REV3L: variants seen among roughly 807,000 people sequenced by gnomAD.
The protein encoded by REV3L is DNA polymerase zeta catalytic subunit.
A neutral mutation model predicts 299.4 loss-of-function variants in REV3L; 69 were observed. The ratio of observed to expected loss-of-function variants is 0.23; its 90% CI spans 0.19 to 0.28. The LOEUF (loss-of-function observed/expected upper bound fraction) is 0.28, where lower values mean the gene tolerates loss of function less well. Ranked by LOEUF, REV3L falls within the 10% of genes least tolerant of loss-of-function variation. The pLI is 1.00. For synonymous variants in REV3L, 1,238 were observed against 1,271.4 expected (o/e 0.97, Z 0.56); for missense variants, 3,128 against 3,693.8 (o/e 0.85, Z 3.97).
At chr6:111,475,394 C>T (rs1390631509) in intron 1 of REV3L, among the ~76,000 whole-genome samples, 2 of 152,100 alleles carry the variant, frequency 1.3e-5, no homozygotes, top group African/African-American at 2.4e-5. Flanking sequence ...ATTACTAGAA[C>T]GAAATAAATC....
chr6:111,345,575 C>A (rs998689201), intron 20 of REV3L, among the ~76,000 whole-genome samples: 1 of 152,064 alleles, frequency 6.6e-6, no homozygotes, highest in African/African-American at 2.4e-5. Context: ...ATAATCATAC[C>A]CCAGGATCTA....
In REV3L at chr6:111,313,334, A is replaced by G. The variant is rs1311391291; in HGVS notation, c.8604+18T>C. 1 of 1,597,814 alleles carries G rather than the reference A, an allele frequency of 6.3e-7. No homozygotes were observed. Among genetic ancestry groups the G allele is most frequent in the Non-Finnish European group, 8.5e-7 (1 of 1,175,320 alleles). On this transcript the variant is annotated intron_variant, in intron 28 of 31. Transcript: ENST00000368802. ...CCACTTATTTCTTACAGATGAAGAC[A>G]AGATAGATAAACCTTACCTTAGAAA... is the stretch of plus-strand genomic sequence containing the variant.
chr6:111,313,759 A>G (rs1773229405), intron 27 of REV3L, among the ~76,000 whole-genome samples: 1 of 152,224 alleles, frequency 6.6e-6, no homozygotes, highest in Non-Finnish European at 1.5e-5. Context: ...CATTCAAGAC[A>G]GTCTACAGTC....
At chr6:111,466,031 G>A (rs938612519) in intron 1 of REV3L, among the ~76,000 whole-genome samples, 5 of 152,238 alleles carry the variant, frequency 3.3e-5, no homozygotes, top group East Asian at 1.9e-4. Flanking sequence ...AACAAAGCTC[G>A]AAACTTAGCA....
At chr6:111,379,215 GATTT>G (rs1273508001) in intron 11 of REV3L, among the ~76,000 whole-genome samples, 1 of 152,156 alleles carries the variant, frequency 6.6e-6, no homozygotes, top group East Asian at 1.9e-4. Flanking sequence ...TTCTATATCT[GATTT>G]ATTAAGTAGA....
rs1780197321 is a variant in REV3L at position 111,375,410 on chromosome 6, TTAA to T, written c.2942_2944del (p.Ile981del). On this transcript the variant is annotated inframe_deletion, in exon 13 of 32. Transcript: ENST00000368802. Reference sequence around the variant, plus strand: ...CATATTTTTTCTCCCTCTAAATCTATTAATAATAATATACTTTATGATGACAGG... The same window carrying T: ...CATATTTTTTCTCCCTCTAAATCTATTAATAATATACTTTATGATGACAGG... The T allele has an allele frequency of 6.3e-7, 1 of 1,596,988 alleles. No individual in the cohort carries two copies.
At chr6:111,351,855 T>C in intron 18 of REV3L, 64 bp from the exon 19 acceptor site, 1 of 1,082,828 alleles carries the variant, frequency 9.2e-7, no homozygotes, top group Non-Finnish European at 1.4e-6. Context: ...CCAGAATAAT[T>C]GTTTCTTCAT....
rs760123918 is a variant in REV3L at position 111,372,900 on chromosome 6, T to C, written c.5455A>G (p.Thr1819Ala). 5 of 1,614,128 alleles carry C rather than the reference T, an allele frequency of 3.1e-6. No individual in the cohort carries two copies. Among genetic ancestry groups the C allele is most frequent in the Non-Finnish European group, 4.2e-6 (5 of 1,179,996 alleles). The change falls in exon 13 of 32, where the codon ACT (threonine) becomes GCT (alanine). Residue 1819 changes from threonine to alanine, a missense_variant. Physicochemically the swap from Thr to Ala is moderately conservative, Grantham distance 58. Around this residue, in one of 9 missense-constraint regions of REV3L, gnomAD observed 2,409 missense variants for 2,611.8 expected, o/e 0.92. Coordinates refer to ENST00000368802, the MANE Select transcript of REV3L (RefSeq NM_001372078.1). ...CCATCAGGGGAGGAGAGTATTGCAG[T>C]AAAAGAGGTATTGGCTGAGTCAAGA... ...QSLDSANTSF[T>A]AILSSPDGEL...
At chr6:111,421,045 G>A (rs978827229) in intron 1 of REV3L, among the ~76,000 whole-genome samples, 4 of 152,038 alleles carry the variant, frequency 2.6e-5, no homozygotes, top group African/African-American at 7.2e-5. Context: ...GGAGAATGGC[G>A]TGAACCCGGG....
At chr6:111,393,578 A>G (rs1026304988) in intron 4 of REV3L, among the ~76,000 whole-genome samples, 77 of 152,330 alleles carry the variant, frequency 5.1e-4, no homozygotes, top group African/African-American at 1.8e-3. Flanking sequence ...CCTGTATGCT[A>G]TCAAACACTA....
chr6:111,382,384 G>T (rs911774113), intron 9 of REV3L, among the ~76,000 whole-genome samples: 1 of 152,234 alleles, frequency 6.6e-6, no homozygotes, highest in Non-Finnish European at 1.5e-5. Context: ...GGCACGGAGA[G>T]AGAAATCTGT....
intron 25 of REV3L, among the ~76,000 whole-genome samples, chr6:111,325,065 A>G (rs1774623137): frequency 6.6e-6 from 1 of 152,144 alleles, no homozygotes. Context: ...GTTTCACCGC[A>G]TTAGCCAGGA....
intron 1 of REV3L, among the ~76,000 whole-genome samples, chr6:111,420,716 CATGGCAAA>C: frequency 6.6e-6 from 1 of 152,196 alleles, no homozygotes; most frequent in East Asian, 1.9e-4. Context: ...AACTTGACAC[CATGGCAAA>C]ACTCTGTGGA....
intron 9 of REV3L, among the ~76,000 whole-genome samples, chr6:111,382,582 C>G (rs1780939802): frequency 6.6e-6 from 1 of 152,170 alleles, no homozygotes; most frequent in African/African-American, 2.4e-5. Context: ...TCCCAGCAGT[C>G]CAGAACCTGA....
At chr6:111,340,685 T>C (rs1776391180) in intron 21 of REV3L, among the ~76,000 whole-genome samples, 1 of 152,262 alleles carries the variant, frequency 6.6e-6, no homozygotes, top group East Asian at 1.9e-4. Flanking sequence ...ACTTATTTTT[T>C]TGTATTCACT....
chr6:111,303,671 CT>C (rs144753407), intron 31 of REV3L, among the ~76,000 whole-genome samples: 1,473 of 56,068 alleles, frequency 0.026, 56 homozygotes, highest in African/African-American at 0.1. Flanking sequence ...CCAGCCGAGG[CT>C]TTTTTTTTTT....
At chr6:111,431,421 GTTT>G in intron 1 of REV3L, 1 of 1,016,080 alleles carries the variant, frequency 9.8e-7, no homozygotes, top group Non-Finnish European at 1.6e-6. Flanking sequence ...TCCGGTTAAA[GTTT>G]TTGATTCTGA....
intron 1 of REV3L, among the ~76,000 whole-genome samples, chr6:111,434,827 A>G (rs1787364065): frequency 6.6e-6 from 1 of 152,236 alleles, no homozygotes; most frequent in Admixed American, 6.5e-5. Flanking sequence ...GAAAAAGTAT[A>G]AAACACTGAT....
chr6:111,442,689 T>C (rs575675093), intron 1 of REV3L, among the ~76,000 whole-genome samples: 2 of 151,758 alleles, frequency 1.3e-5, no homozygotes, highest in African/African-American at 4.8e-5. Context: ...CTCATTTTTT[T>C]CCCCTAACCT....
Sources: gnomAD v4.1 joint callset for allele counts (sites outside exome capture counted in the v4.1 genomes callset) on GRCh38, gnomAD v4.1.1 for gene constraint, gnomAD v4.1.1 regional missense constraint, MANE v1.5 for transcripts, NCBI Gene and HGNC (gene_info 2026-07-23, HGNC 2026-07-21) for gene names.